GPM6B: variants seen among roughly 807,000 people sequenced by gnomAD.
GPM6B encodes the protein neuronal membrane glycoprotein M6-b.
In GPM6B, 4 loss-of-function variants were observed where a neutral mutation model predicts 27.2. The ratio of observed to expected loss-of-function variants is 0.15; its 90% CI spans 0.07 to 0.34. The LOEUF is 0.34. Ranked by LOEUF, GPM6B falls within the 10% of genes least tolerant of loss-of-function variation. The pLI is 1.00. For missense variants in GPM6B, 183 were observed against 261.9 expected (o/e 0.70, Z 2.08); for synonymous variants, 124 against 103.1 (o/e 1.20, Z -1.23).
chrX:13,813,300 AT>A (rs1411996963), intron 1 of GPM6B, among the ~76,000 whole-genome samples: 1 of 111,507 alleles, frequency 9.0e-6, no homozygotes, highest in Non-Finnish European at 1.9e-5. Flanking sequence ...AATTATATCT[AT>A]TTGATCAAAA....
intron 1 of GPM6B, among the ~76,000 whole-genome samples, chrX:13,839,616 G>C (rs965216392): frequency 9.0e-6 from 1 of 110,877 alleles, no homozygotes; most frequent in Non-Finnish European, 1.9e-5. Context: ...GCTTTCTCAT[G>C]TACCGCACAC....
chrX:13,817,454 C>G, upstream of GPM6B: 1 of 486,764 alleles, frequency 2.1e-6, no homozygotes, highest in Non-Finnish European at 2.5e-6. Context: ...CACCACGTGA[C>G]TTTGTTGGTC....
In GPM6B at chrX:13,848,037, C is replaced by T. The variant is rs189424800; in HGVS notation, c.-197-62229G>A. The stretch of plus-strand genomic sequence containing the variant: ...CTTCCGGACTGATATACTGATACCC[C>T]CAGCTGCTGGCAAAGTTGACAGATG... On this transcript the variant is annotated intron_variant, in intron 1 of 6. Coordinates refer to the GPM6B transcript ENST00000398361. Among the ~76,000 whole-genome samples the T allele has an allele frequency of 6.7e-3, 750 of 111,950 alleles. 4 individuals carry two copies. Among genetic ancestry groups the T allele is most frequent in the Non-Finnish European group, 9.9e-3 (526 of 53,137 alleles).
intron 1 of GPM6B, among the ~76,000 whole-genome samples, chrX:13,809,724 G>A (rs1485413279): frequency 9.0e-6 from 1 of 110,963 alleles, no homozygotes; most frequent in South Asian, 3.8e-4. Flanking sequence ...ATCACCTGAG[G>A]TGAGGAGTTT....
intron 1 of GPM6B, among the ~76,000 whole-genome samples, chrX:13,931,368 G>A (rs979415754): frequency 1.7e-4 from 19 of 108,603 alleles, no homozygotes; most frequent in African/African-American, 5.4e-4. Context: ...GGCGCCTGTA[G>A]TCCCAGCTAC....
At chrX:13,919,379 T>A (rs1464966451) in intron 1 of GPM6B, among the ~76,000 whole-genome samples, 1 of 112,391 alleles carries the variant, frequency 8.9e-6, no homozygotes, top group Non-Finnish European at 1.9e-5. Context: ...TGTTCATGAA[T>A]GTTTAACAGT....
At chrX:13,797,490 G>A (rs895223355) in intron 2 of GPM6B, among the ~76,000 whole-genome samples, 2 of 111,099 alleles carry the variant, frequency 1.8e-5, no homozygotes, top group African/African-American at 6.6e-5. Flanking sequence ...AGCGTTCAGG[G>A]TGTAGCCGAG....
chrX:13,857,845 A>G (rs999295743), intron 1 of GPM6B, among the ~76,000 whole-genome samples: 1 of 112,852 alleles, frequency 8.9e-6, no homozygotes, highest in Non-Finnish European at 1.9e-5. Flanking sequence ...TTGCACTTCA[A>G]TGAGGTAGAT....
chrX:13,775,226 T>C (rs2048389199), intron 7 of GPM6B, among the ~76,000 whole-genome samples: 1 of 112,931 alleles, frequency 8.9e-6, no homozygotes, highest in African/African-American at 3.2e-5. Flanking sequence ...TCATTACTTG[T>C]AGATTCCACA....
At chrX:13,895,983 A>G (rs1277728933) in intron 1 of GPM6B, among the ~76,000 whole-genome samples, 3 of 92,827 alleles carry the variant, frequency 3.2e-5, no homozygotes, top group Middle Eastern at 5.0e-3. Context: ...GTTGCTAGAA[A>G]AACTTTTTTT....
At chrX:13,794,677 C>T (rs956000356) in intron 2 of GPM6B, among the ~76,000 whole-genome samples, 4 of 111,864 alleles carry the variant, frequency 3.6e-5, no homozygotes, top group Admixed American at 9.5e-5. Flanking sequence ...ACCACGCGCT[C>T]GCAAGAAAAT....
chrX:13,790,100 C>A (rs924750592), intron 2 of GPM6B, among the ~76,000 whole-genome samples: 1 of 111,891 alleles, frequency 8.9e-6, no homozygotes, highest in Non-Finnish European at 1.9e-5. Flanking sequence ...GTGATCCTCC[C>A]GCCTCGGCCT....
At chrX:13,809,626 A>C (rs1050342681) in intron 1 of GPM6B, among the ~76,000 whole-genome samples, 1 of 110,528 alleles carries the variant, frequency 9.0e-6, no homozygotes, top group Non-Finnish European at 1.9e-5. Flanking sequence ...AAATAAAAAA[A>C]ATATATAAAA....
chrX:13,877,355 C>G (rs2050044042), intron 1 of GPM6B, among the ~76,000 whole-genome samples: 1 of 111,809 alleles, frequency 8.9e-6, no homozygotes, highest in Admixed American at 9.5e-5. Context: ...CTTAGGACAT[C>G]TGATAAAGCA....
At chrX:13,923,152 G>A (rs1921012392) in intron 1 of GPM6B, among the ~76,000 whole-genome samples, 1 of 109,385 alleles carries the variant, frequency 9.1e-6, no homozygotes, top group Non-Finnish European at 1.9e-5. Flanking sequence ...CTCCAGCTTG[G>A]ACAACAAGAG....
chrX:13,804,959 A>G (rs950258255), intron 2 of GPM6B, among the ~76,000 whole-genome samples: 2 of 111,329 alleles, frequency 1.8e-5, no homozygotes, highest in Non-Finnish European at 3.8e-5. Context: ...GCATGGCTAG[A>G]GTGGGTCCCT....
intron 1 of GPM6B, among the ~76,000 whole-genome samples, chrX:13,903,975 TC>T (rs1465271859): frequency 9.0e-6 from 1 of 110,828 alleles, no homozygotes; most frequent in African/African-American, 3.3e-5. Context: ...GGGGAGGTTC[TC>T]CCCATTATGA....
chrX:13,909,892 A>C (rs1449682661), intron 1 of GPM6B, among the ~76,000 whole-genome samples: 1 of 111,658 alleles, frequency 9.0e-6, no homozygotes, highest in African/African-American at 3.3e-5. Context: ...ATACCTGCTC[A>C]GTTGGTTTTA....
chrX:13,854,837 T>C (rs1048274297), intron 1 of GPM6B, among the ~76,000 whole-genome samples: 4 of 112,031 alleles, frequency 3.6e-5, no homozygotes, highest in Non-Finnish European at 5.6e-5. Flanking sequence ...AGCTTAATAG[T>C]ATACAGAGGT....
Sources: allele counts gnomAD v4.1 joint callset (sites outside exome capture counted in the v4.1 genomes callset), GRCh38; gene constraint gnomAD v4.1.1; transcripts MANE v1.5; gene names NCBI Gene and HGNC (gene_info 2026-07-23, HGNC 2026-07-21).